Variants in GRID2 observed in about 807,000 individuals in gnomAD.
GRID2 encodes the protein glutamate receptor ionotropic, delta-2.
GRID2 carries 33 observed loss-of-function variants against 114.8 expected under a neutral mutation model. The ratio of observed to expected loss-of-function variants is 0.29; its 90% CI spans 0.22 to 0.38. The LOEUF (loss-of-function observed/expected upper bound fraction) is 0.38, where lower values mean the gene tolerates loss of function less well. GRID2 is among the 10% of genes least tolerant of loss of function. The pLI, the probability that GRID2 is intolerant of heterozygous loss-of-function variation, is 1.00. For missense variants in GRID2, 1,184 were observed against 1,257.7 expected, an observed-to-expected ratio of 0.94 and a Z score of 0.89; for synonymous variants, 505 against 449.9, an observed-to-expected ratio of 1.12 and a Z score of -1.55.
chr4:92,763,084 T>G (rs572568592), intron 2 of GRID2, among the ~76,000 whole-genome samples: 1 of 152,346 alleles, frequency 6.6e-6, no homozygotes, highest in South Asian at 2.1e-4. Flanking sequence ...GCCAAGACTT[T>G]TTTTTACCCT....
At chr4:92,831,911 A>C (rs889463734) in intron 2 of GRID2, among the ~76,000 whole-genome samples, 2 of 152,042 alleles carry the variant, frequency 1.3e-5, no homozygotes, top group African/African-American at 4.8e-5. Context: ...CCCCAAAATA[A>C]GAAAGTAAAT....
chr4:93,116,303 C>T (rs574840257), intron 4 of GRID2, among the ~76,000 whole-genome samples: 7 of 152,162 alleles, frequency 4.6e-5, no homozygotes, highest in African/African-American at 1.2e-4. Flanking sequence ...GTTGGAAGCA[C>T]GTATTTTCTA....
intron 2 of GRID2, among the ~76,000 whole-genome samples, chr4:92,900,518 T>C (rs1747488458): frequency 6.6e-6 from 1 of 152,186 alleles, no homozygotes; most frequent in African/African-American, 2.4e-5. Context: ...TTTCTGTTTC[T>C]GAGTTATTTC....
intron 1 of GRID2, among the ~76,000 whole-genome samples, chr4:92,332,674 A>G (rs1225155326): frequency 1.3e-5 from 2 of 152,232 alleles, no homozygotes; most frequent in Admixed American, 1.3e-4. Flanking sequence ...CTGTGAAATT[A>G]ACAAGTTATG....
chr4:93,030,471 C>G (rs1188938903), intron 2 of GRID2, among the ~76,000 whole-genome samples: 2 of 151,510 alleles, frequency 1.3e-5, no homozygotes, highest in African/African-American at 4.9e-5. Context: ...TGCAACCTCT[C>G]CCTCCTGGGT....
intron 1 of GRID2, among the ~76,000 whole-genome samples, chr4:92,476,536 G>C (rs922313543): frequency 3.3e-5 from 5 of 152,062 alleles, no homozygotes; most frequent in African/African-American, 1.2e-4. Context: ...GATGTTATAT[G>C]ATTAGATATC....
At chr4:93,691,605 C>T (rs1056223769) in intron 14 of GRID2, among the ~76,000 whole-genome samples, 1 of 151,998 alleles carries the variant, frequency 6.6e-6, no homozygotes, top group African/African-American at 2.4e-5. Context: ...AAGAGGAAAA[C>T]AACTGCAATG....
intron 2 of GRID2, among the ~76,000 whole-genome samples, chr4:92,606,941 G>A (rs1057197066): frequency 1.3e-5 from 2 of 151,982 alleles, no homozygotes; most frequent in Non-Finnish European, 2.9e-5. Flanking sequence ...AAATCTGTAT[G>A]TTCATGGACA....
chr4:92,868,205 G>A (rs773097546), intron 2 of GRID2, among the ~76,000 whole-genome samples: 22 of 151,874 alleles, frequency 1.4e-4, no homozygotes, highest in Non-Finnish European at 3.2e-4. Context: ...AATCCACAAT[G>A]TGCTAGTTCT....
intron 2 of GRID2, among the ~76,000 whole-genome samples, chr4:93,051,962 G>C (rs1393820241): frequency 1.3e-5 from 2 of 151,446 alleles, no homozygotes; most frequent in Admixed American, 6.6e-5. Context: ...CACTTTCCCT[G>C]ATCTGTCTTG....
At chr4:93,014,001 T>C (rs1232788694) in intron 2 of GRID2, among the ~76,000 whole-genome samples, 2 of 152,002 alleles carry the variant, frequency 1.3e-5, no homozygotes, top group Non-Finnish European at 2.9e-5. Context: ...CCAAGAGATG[T>C]ACCTATAAAA....
chr4:92,998,070 T>G (rs1225455551), intron 2 of GRID2, among the ~76,000 whole-genome samples: 3 of 152,046 alleles, frequency 2.0e-5, no homozygotes, highest in African/African-American at 7.2e-5. Flanking sequence ...TATACTCCCC[T>G]GAACCAATCC....
chr4:92,331,776 T>C (rs1444803115), intron 1 of GRID2, among the ~76,000 whole-genome samples: 1 of 152,210 alleles, frequency 6.6e-6, no homozygotes, highest in Non-Finnish European at 1.5e-5. Context: ...TCCTATTTCA[T>C]TGGACTTTTA....
At position 92,304,438 on chromosome 4, in the gene GRID2, G is replaced by A; in HGVS notation, c.-219G>A. The stretch of plus-strand genomic sequence containing the variant: ...GCGATGCCAAAATTCCCCTCCAAGT[G>A]ACACGGCTTTGCGAAGGAGGTTTCC... On this transcript the variant is annotated 5_prime_UTR_variant, in exon 1 of 16. It removes the in-frame stop codon of an upstream open reading frame in the 5' UTR. Coordinates refer to ENST00000282020, the MANE Select transcript of GRID2 (RefSeq NM_001510.4). 1.7e-6 allele frequency: 1 copy of A among 592,732 alleles called. No homozygotes were observed. The highest frequency in any genetic ancestry group is 3.0e-6 in the Non-Finnish European group (1 of 335,974). The allele number at this position is 592,732 out of a possible 1,614,324, so 36.7% of individuals were successfully genotyped here. A position where few individuals can be genotyped will look rare whatever the true frequency, so the allele number is the denominator to read the frequency against.
chr4:92,806,624 T>C (rs901249597), intron 2 of GRID2, among the ~76,000 whole-genome samples: 4 of 152,060 alleles, frequency 2.6e-5, no homozygotes, highest in African/African-American at 7.2e-5. Flanking sequence ...GCCTGACATA[T>C]ATTGTACATA....
At chr4:93,411,704 T>C (rs978819901) in intron 9 of GRID2, among the ~76,000 whole-genome samples, 1 of 152,102 alleles carries the variant, frequency 6.6e-6, no homozygotes, top group Non-Finnish European at 1.5e-5. Context: ...AGTGCTGGGA[T>C]TACAGGCATG....
chr4:92,621,580 G>T (rs1325007758), intron 2 of GRID2, among the ~76,000 whole-genome samples: 1 of 151,644 alleles, frequency 6.6e-6, no homozygotes, highest in Non-Finnish European at 1.5e-5. Context: ...AGGATTGTAT[G>T]ACCCCAAGAG....
intron 10 of GRID2, among the ~76,000 whole-genome samples, chr4:93,439,055 G>C (rs1337420401): frequency 6.6e-6 from 1 of 152,016 alleles, no homozygotes; most frequent in South Asian, 2.1e-4. Context: ...GTGTATATGT[G>C]CCACATTTTC....
chr4:92,357,751 T>C (rs2110195375), intron 1 of GRID2, among the ~76,000 whole-genome samples: 1 of 151,996 alleles, frequency 6.6e-6, no homozygotes, highest in East Asian at 1.9e-4. Flanking sequence ...TGTTAGTTCT[T>C]TGAGTCACAG....
Sources: allele counts gnomAD v4.1 joint callset (sites outside exome capture counted in the v4.1 genomes callset), GRCh38; gene constraint gnomAD v4.1.1; transcripts MANE v1.5; gene names NCBI Gene and HGNC (gene_info 2026-07-23, HGNC 2026-07-21).